Variants in PHTF1 observed in about 807,000 individuals in gnomAD.
PHTF1 encodes the protein protein PHTF1.
A neutral mutation model predicts 102.4 loss-of-function variants in PHTF1; 88 were observed. The observed-to-expected ratio is 0.86, with a 90% CI of 0.72 to 1.03. The LOEUF is 1.03. Among genes scored for constraint, PHTF1 ranks in the 50% least tolerant of loss-of-function variants. The probability of loss-of-function intolerance (pLI) is 0.00; values close to 1 mark genes in which losing one functional copy is unlikely to be tolerated. For synonymous variants in PHTF1, 289 were observed against 305.2 expected (o/e 0.95, Z 0.55); for missense variants, 814 against 909.5 (o/e 0.89, Z 1.35).
rs545311240 is a variant in PHTF1 at position 113,712,508 on chromosome 1, T to C, written c.784-395A>G. Among the ~76,000 whole-genome samples the C allele has an allele frequency of 3.9e-5, 6 of 152,372 alleles. No individual in the cohort carries two copies. The South Asian group carries it at 1.2e-3, about 32-fold the overall frequency. On this transcript the variant is annotated intron_variant, in intron 8 of 18. Coordinates refer to ENST00000369604, the MANE Select transcript of PHTF1 (RefSeq NM_001323043.2). The stretch of plus-strand genomic sequence containing the variant: ...TGAAAATAAATGAGATAAGTTAGTA[T>C]ACGTAAAGTACTCAGAACAATGCCT...
At chr1:113,754,052 G>A (rs1209455059) in intron 3 of PHTF1, among the ~76,000 whole-genome samples, 2 of 152,082 alleles carry the variant, frequency 1.3e-5, no homozygotes, top group Non-Finnish European at 2.9e-5. Flanking sequence ...TAAGTAATTT[G>A]CATTTATTAG....
At chr1:113,707,845 C>A (rs1650450629) in intron 11 of PHTF1, among the ~76,000 whole-genome samples, 1 of 152,044 alleles carries the variant, frequency 6.6e-6, no homozygotes, top group Non-Finnish European at 1.5e-5. Context: ...AGAAAGGCTT[C>A]CTGAAGGAAG....
chr1:113,746,696 A>G (rs971417118), intron 3 of PHTF1, among the ~76,000 whole-genome samples: 2 of 152,204 alleles, frequency 1.3e-5, no homozygotes, highest in African/African-American at 4.8e-5. Context: ...TACCTATCGC[A>G]TATGGAAATA....
intron 5 of PHTF1, among the ~76,000 whole-genome samples, chr1:113,734,337 A>T: frequency 6.6e-6 from 1 of 152,216 alleles, no homozygotes. Flanking sequence ...AATCTTCTTA[A>T]AGAATACCTA....
intron 7 of PHTF1, among the ~76,000 whole-genome samples, chr1:113,719,447 C>A (rs1468603792): frequency 6.6e-6 from 1 of 152,182 alleles, no homozygotes; most frequent in East Asian, 1.9e-4. Flanking sequence ...CCGCCAGATA[C>A]CCTAAATCAT....
intron 3 of PHTF1, among the ~76,000 whole-genome samples, chr1:113,755,807 T>C (rs1165673298): frequency 6.6e-6 from 1 of 151,916 alleles, no homozygotes; most frequent in African/African-American, 2.4e-5. Flanking sequence ...ATGCCTATAA[T>C]CCCAGCACTT....
intron 2 of PHTF1, among the ~76,000 whole-genome samples, chr1:113,758,146 G>C (rs1377282728): frequency 1.3e-5 from 2 of 150,728 alleles, no homozygotes; most frequent in East Asian, 2.0e-4. Context: ...CTACTCCAGA[G>C]GCTGAGCCCG....
chr1:113,732,377 T>A (rs1196965810), intron 5 of PHTF1, among the ~76,000 whole-genome samples: 1 of 152,052 alleles, frequency 6.6e-6, no homozygotes, highest in East Asian at 1.9e-4. Context: ...ACGCCTGTAA[T>A]CCCAGCTACT....
At chr1:113,718,164 T>C (rs372088116) in intron 7 of PHTF1, among the ~76,000 whole-genome samples, 1 of 152,038 alleles carries the variant, frequency 6.6e-6, no homozygotes, top group African/African-American at 2.4e-5. Flanking sequence ...ATGGGAGAAA[T>C]TGGCCAAAAC....
chr1:113,713,699 A>AC, intron 7 of PHTF1: 1 of 362,122 alleles, frequency 2.8e-6, no homozygotes, highest in South Asian at 2.9e-5. Flanking sequence ...GCACAAAAGT[A>AC]GGTTCACAGT....
chr1:113,738,767 G>T lies in PHTF1; in HGVS notation c.135C>A (p.His45Gln). Residue 45 changes from histidine (H) to glutamine (Q), a missense_variant, in exon 4 of 19, where the codon CAC becomes CAA. Physicochemically the swap from His to Gln is conservative, Grantham distance 24. Coordinates refer to ENST00000369604, the MANE Select transcript of PHTF1 (RefSeq NM_001323043.2). ...GLKNKPKKMG[H>Q]IKPDLIDVDL... is the part of the protein sequence containing the mutation. Reference sequence around the variant, plus strand: ...CAACGTCAATCAAGTCTGGCTTTATGTGGCCCATCTTTTTCGGTTTGTTTT... The same window carrying T: ...CAACGTCAATCAAGTCTGGCTTTATTTGGCCCATCTTTTTCGGTTTGTTTT... 6.2e-7 allele frequency: 1 copy of T among 1,604,670 alleles called. No individual in the cohort carries two copies. Among genetic ancestry groups the T allele is most frequent in the Non-Finnish European group, 8.5e-7 (1 of 1,175,352 alleles).
At position 113,712,042 on chromosome 1, in the gene PHTF1, T is replaced by A; in HGVS notation, c.855A>T (p.Thr285=). Residue 285 remains threonine, a synonymous_variant, in exon 9 of 19, where the codon ACA becomes ACT. Transcript: ENST00000369604. ...CACTCCTACGCAATAATATCATCTG[T>A]GTCCGTGCTTCACCATCTTCTTCAC... The part of the protein sequence containing the change: ...LSSEEDGEAR[T]QMILLRRSVE... 3 of 1,613,972 alleles carry A rather than the reference T, an allele frequency of 1.9e-6. No homozygotes were observed. Among genetic ancestry groups the A allele is most frequent in the Non-Finnish European group, 2.5e-6 (3 of 1,179,834 alleles).
chr1:113,736,312 C>T (rs1326222810), intron 5 of PHTF1, among the ~76,000 whole-genome samples: 1 of 145,794 alleles, frequency 6.9e-6, no homozygotes, highest in African/African-American at 2.5e-5. Flanking sequence ...ACTGCACTCC[C>T]GCCTGGGCAA....
chr1:113,729,258 T>C (rs1654280530), intron 5 of PHTF1, among the ~76,000 whole-genome samples: 1 of 152,180 alleles, frequency 6.6e-6, no homozygotes, highest in Non-Finnish European at 1.5e-5. Flanking sequence ...TAGAAGGCTC[T>C]GAGGCTGAGA....
At chr1:113,740,346 A>G (rs1656172715) in intron 3 of PHTF1, among the ~76,000 whole-genome samples, 1 of 151,830 alleles carries the variant, frequency 6.6e-6, no homozygotes, top group Non-Finnish European at 1.5e-5. Context: ...TTTTTCATAT[A>G]CCTGTTTGCC....
intron 3 of PHTF1, among the ~76,000 whole-genome samples, chr1:113,744,453 A>C (rs1656891183): frequency 6.6e-6 from 1 of 152,218 alleles, no homozygotes; most frequent in Non-Finnish European, 1.5e-5. Flanking sequence ...AGTCTGGTGC[A>C]GAGAGGGAAG....
At chr1:113,745,565 A>G (rs752363067) in intron 3 of PHTF1, among the ~76,000 whole-genome samples, 11 of 152,146 alleles carry the variant, frequency 7.2e-5, no homozygotes, top group Admixed American at 3.3e-4. Context: ...GCAGGAGGTG[A>G]GGGGCAGGTG....
At chr1:113,736,607 G>A (rs1427095894) in intron 5 of PHTF1, among the ~76,000 whole-genome samples, 2 of 151,930 alleles carry the variant, frequency 1.3e-5, no homozygotes, top group Admixed American at 6.6e-5. Context: ...TTAGCTGGAC[G>A]TGGTGGCGCA....
intron 5 of PHTF1, among the ~76,000 whole-genome samples, chr1:113,727,016 A>C (rs997138100): frequency 2.6e-5 from 4 of 151,870 alleles, no homozygotes; most frequent in African/African-American, 9.7e-5. Flanking sequence ...CATTTCATAT[A>C]TAATGAAGAA....
Sources: allele counts gnomAD v4.1 joint callset (sites outside exome capture counted in the v4.1 genomes callset), GRCh38; gene constraint gnomAD v4.1.1; transcripts MANE v1.5; gene names NCBI Gene and HGNC (gene_info 2026-07-23, HGNC 2026-07-21).